Variants in ALPK2 observed in about 807,000 individuals in gnomAD.
ALPK2 encodes the protein alpha-protein kinase 2.
In ALPK2, 127 loss-of-function variants were observed where a neutral mutation model predicts 163.1. The ratio of observed to expected loss-of-function variants is 0.78; its 90% CI spans 0.67 to 0.90. The LOEUF (loss-of-function observed/expected upper bound fraction) is 0.90. Among genes scored for constraint, ALPK2 ranks in the 40% least tolerant of loss-of-function variants. The pLI is 0.00. For missense variants in ALPK2, 2,360 were observed against 2,589.6 expected, an observed-to-expected ratio of 0.91 and a Z score of 1.92; for synonymous variants, 953 against 959.1, an observed-to-expected ratio of 0.99 and a Z score of 0.12.
In ALPK2 at chr18:58,518,360, G is replaced by A. The variant is rs118037200; in HGVS notation, c.5666-1178C>T. 4.1e-3 allele frequency among the ~76,000 whole-genome samples: 630 copies of A among 152,290 alleles called. 1 individual carries two copies. Among genetic ancestry groups the A allele is most frequent in the Non-Finnish European group, 7.7e-3 (524 of 68,012 alleles). On this transcript the variant is annotated intron_variant, in intron 8 of 12. Transcript: ENST00000361673. ...TAATTACTGCCAGAAAGAAAGAAAG[G>A]GAGTGGGGTTTGGTGGATTTTCAAA...
At chr18:58,548,592 AT>A (rs2051732781) in intron 4 of ALPK2, among the ~76,000 whole-genome samples, 1 of 152,114 alleles carries the variant, frequency 6.6e-6, no homozygotes, top group East Asian at 1.9e-4. Context: ...AAGTGCTGGG[AT>A]TACAGGCGTG....
At chr18:58,578,114 C>T (rs2051931596) in intron 4 of ALPK2, 1 of 152,234 alleles carries the variant, frequency 6.6e-6, no homozygotes. Flanking sequence ...AATTCCATCT[C>T]TTTACACTCC....
chr18:58,552,472 T>G (rs532578977), intron 4 of ALPK2, among the ~76,000 whole-genome samples: 2 of 152,210 alleles, frequency 1.3e-5, no homozygotes, highest in South Asian at 4.2e-4. Flanking sequence ...AGAAATAACT[T>G]GCTACAGTAG....
intron 11 of ALPK2, among the ~76,000 whole-genome samples, chr18:58,502,133 T>TA (rs1568067656): frequency 0.031 from 2,552 of 83,552 alleles, 33 homozygotes; most frequent in Middle Eastern, 0.059. Flanking sequence ...AAACCCCATC[T>TA]CCACACACAC....
At chr18:58,565,159 T>C (rs975398505) in intron 4 of ALPK2, among the ~76,000 whole-genome samples, 1 of 152,014 alleles carries the variant, frequency 6.6e-6, no homozygotes, top group Non-Finnish European at 1.5e-5. Flanking sequence ...ATTTAGCCAG[T>C]TACCCATGAA....
At chr18:58,528,305 G>C (rs2051594232) in intron 6 of ALPK2, among the ~76,000 whole-genome samples, 1 of 152,214 alleles carries the variant, frequency 6.6e-6, no homozygotes, top group Non-Finnish European at 1.5e-5. Context: ...GCTGAGGCAG[G>C]TGGATCACTT....
intron 1 of ALPK2, among the ~76,000 whole-genome samples, chr18:58,621,561 G>A (rs547153911): frequency 6.6e-6 from 1 of 152,238 alleles, no homozygotes; most frequent in South Asian, 2.1e-4. Context: ...GTGAGCCACT[G>A]CACCAGGCCA....
rs537214785 is a variant in ALPK2, at chr18:58,556,622, A to G, written c.1963-18398T>C. On this transcript the variant is annotated intron_variant, in intron 4 of 12. Coordinates refer to ENST00000361673, the MANE Select transcript of ALPK2 (RefSeq NM_052947.4). ...GGGGCATATTTAATCCTTTCTGGGG[A>G]AAGCCCTAAGCCCTCATTATACCAA... 4.6e-5 allele frequency among the ~76,000 whole-genome samples: 7 copies of G among 152,314 alleles called. No individual in the cohort carries two copies. In the South Asian group the frequency reaches 8.3e-4, roughly 18 times the overall value.
At chr18:58,592,079 C>T (rs1475008074) in intron 3 of ALPK2, among the ~76,000 whole-genome samples, 1 of 152,158 alleles carries the variant, frequency 6.6e-6, no homozygotes, top group Non-Finnish European at 1.5e-5. Flanking sequence ...TACCACAGAC[C>T]GGGGATGAGG....
chr18:58,521,169 G>A (rs371657711), intron 8 of ALPK2, among the ~76,000 whole-genome samples: 4 of 152,232 alleles, frequency 2.6e-5, no homozygotes, highest in Non-Finnish European at 4.4e-5. Context: ...ATGTCATCAG[G>A]GTTCAGACCC....
chr18:58,587,187 A>T (rs986056076), intron 3 of ALPK2, among the ~76,000 whole-genome samples: 7 of 152,236 alleles, frequency 4.6e-5, no homozygotes, highest in Admixed American at 2.6e-4. Flanking sequence ...CTGTCCAGTC[A>T]TTAGCTGACC....
intron 12 of ALPK2, among the ~76,000 whole-genome samples, chr18:58,494,723 CAA>C (rs1384932788): frequency 6.6e-6 from 1 of 152,178 alleles, no homozygotes; most frequent in Non-Finnish European, 1.5e-5. Flanking sequence ...TGCTAAGAAT[CAA>C]GAGAACTTGC....
rs552547063 is a variant in ALPK2, at chr18:58,621,518, G to A, written c.-21+7246C>T. ...GATCTCCTGACATCGTGATCCGCCC[G>A]CCTCGGCCTCCCAAAGTGCTGGGAT... On this transcript the variant is annotated intron_variant, in intron 1 of 12. Coordinates refer to ENST00000361673, the MANE Select transcript of ALPK2 (RefSeq NM_052947.4). Among the ~76,000 whole-genome samples, 608 of 152,240 alleles carry A rather than the reference G, an allele frequency of 4.0e-3. 4 individuals carry two copies. Among genetic ancestry groups the A allele is most frequent in the African/African-American group, 0.014 (563 of 41,552 alleles).
rs372032920 is a variant in ALPK2, at chr18:58,545,878, C to G, written c.1963-7654G>C. ...GCCATTCTGGGCTGTTGTAGCCTCC[C>G]CCACGGATAACCTTTCCTAAATATC... On this transcript the variant is annotated intron_variant, in intron 4 of 12. Coordinates refer to ENST00000361673, the MANE Select transcript of ALPK2 (RefSeq NM_052947.4). 6.9e-4 allele frequency among the ~76,000 whole-genome samples: 105 copies of G among 152,286 alleles called. 1 individual carries two copies. Among genetic ancestry groups the G allele is most frequent in the African/African-American group, 2.5e-3 (102 of 41,568 alleles).
chr18:58,625,674 A>G (rs1454194770), intron 1 of ALPK2, among the ~76,000 whole-genome samples: 1 of 152,252 alleles, frequency 6.6e-6, no homozygotes. Context: ...GTTTAAGAGC[A>G]GGGGCCTGGT....
rs760059236 is a variant in ALPK2 at position 58,498,074 on chromosome 18, C to T, written c.6271G>A (p.Val2091Ile). 11 of 1,613,950 alleles carry T rather than the reference C, an allele frequency of 6.8e-6. No individual in the cohort carries two copies. Among genetic ancestry groups the T allele is most frequent in the Admixed American group, 1.7e-5 (1 of 59,994 alleles). ...CCTTTAGCCAGCGTTGCTATGCCAACGTCAGTTAGCTTCATTCCTACACCT... is the reference window on the plus strand; with the variant it reads ...CCTTTAGCCAGCGTTGCTATGCCAATGTCAGTTAGCTTCATTCCTACACCT... ...MQGVGMKLTD[V>I]GIATLAKGYK... Residue 2091 changes from valine to isoleucine, a missense_variant, in exon 12 of 13, where the codon GTT becomes ATT. Val to Ile is a conservative substitution (Grantham distance 29). Coordinates refer to ENST00000361673, the MANE Select transcript of ALPK2 (RefSeq NM_052947.4).
intron 4 of ALPK2, among the ~76,000 whole-genome samples, chr18:58,539,638 T>C (rs1243170443): frequency 1.3e-5 from 2 of 152,204 alleles, no homozygotes; most frequent in Non-Finnish European, 2.9e-5. Context: ...AGGGAACAGA[T>C]GACTGGCCTT....
chr18:58,485,168 GGA>G (rs1433632373), intron 12 of ALPK2, among the ~76,000 whole-genome samples: 2 of 152,222 alleles, frequency 1.3e-5, no homozygotes, highest in Non-Finnish European at 2.9e-5. Context: ...CTGCCCGGTG[GGA>G]GAGAGTGCTG....
chr18:58,511,422 G>C (rs1214204875), intron 10 of ALPK2, among the ~76,000 whole-genome samples: 3 of 152,196 alleles, frequency 2.0e-5, no homozygotes, highest in Non-Finnish European at 2.9e-5. Flanking sequence ...AACCCATCCA[G>C]CGGTTACATG....
Sources: allele counts gnomAD v4.1 joint callset (sites outside exome capture counted in the v4.1 genomes callset), GRCh38; gene constraint gnomAD v4.1.1; transcripts MANE v1.5; gene names NCBI Gene and HGNC (gene_info 2026-07-23, HGNC 2026-07-21).